Variants in PDZD2 observed in about 807,000 individuals in gnomAD.
The protein encoded by PDZD2 is PDZ domain-containing protein 2.
Under a neutral mutation model 220.7 loss-of-function variants are expected in PDZD2, and 90 were observed. The ratio of observed to expected loss-of-function variants is 0.41; its 90% CI spans 0.34 to 0.49. The LOEUF (loss-of-function observed/expected upper bound fraction) is 0.49. Ranked by LOEUF, PDZD2 falls within the 20% of genes least tolerant of loss-of-function variation. The pLI, the probability that PDZD2 is intolerant of heterozygous loss-of-function variation, is 0.28. For synonymous variants in PDZD2, 1,375 were observed against 1,450.5 expected (o/e 0.95, Z 1.18); for missense variants, 3,174 against 3,608.5 (o/e 0.88, Z 3.08).
rs893200483 is a variant in PDZD2, at chr5:32,097,503, C to T, written c.7947+123C>T. 4.3e-6 allele frequency: 3 copies of T among 693,946 alleles called. No individual in the cohort carries two copies. In the African/African-American group the frequency reaches 5.4e-5, roughly 13 times the overall value. The allele number at this position is 693,946 out of a possible 1,614,324, so 43.0% of individuals were successfully genotyped here. ...GCTGGATTTCATTCCCAGCTACCAA[C>T]ATAAAAAGGGAGAAGTGGGAGAAGT... is the stretch of plus-strand genomic sequence containing the variant. On this transcript the variant is annotated intron_variant, in intron 22 of 24. Transcript: ENST00000438447.
At chr5:31,848,102 G>A in intron 2 of PDZD2, 1 of 320,258 alleles carries the variant, frequency 3.1e-6, no homozygotes, top group Non-Finnish European at 6.0e-6. Context: ...AGATCAGGTA[G>A]CTCAAAAGTA....
At chr5:31,806,409 C>T (rs1754715435) in intron 2 of PDZD2, among the ~76,000 whole-genome samples, 1 of 152,224 alleles carries the variant, frequency 6.6e-6, no homozygotes, top group Admixed American at 6.5e-5. Context: ...CTCCAAATTA[C>T]AGACCCCGTT....
intron 10 of PDZD2, among the ~76,000 whole-genome samples, chr5:32,056,110 C>T (rs1286083974): frequency 4.6e-5 from 7 of 152,126 alleles, no homozygotes; most frequent in Admixed American, 2.6e-4. Context: ...TTTAAGAGTG[C>T]GAGTAATCAT....
At chr5:31,976,844 A>G (rs1749827797) in intron 2 of PDZD2, among the ~76,000 whole-genome samples, 1 of 147,802 alleles carries the variant, frequency 6.8e-6, no homozygotes, top group South Asian at 2.1e-4. Context: ...CAGCCTCCTG[A>G]GCAGCTGGGA....
chr5:31,791,590 C>CA (rs1157216997), intron 1 of PDZD2, among the ~76,000 whole-genome samples: 10,161 of 46,654 alleles, frequency 0.22, 748 homozygotes, highest in Middle Eastern at 0.27. Context: ...AACTCCGTCT[C>CA]AAAAAAAAAA....
At chr5:31,756,568 G>T (rs1459723421) in intron 1 of PDZD2, among the ~76,000 whole-genome samples, 1 of 152,204 alleles carries the variant, frequency 6.6e-6, no homozygotes, top group African/African-American at 2.4e-5. Context: ...GTGGATACCA[G>T]ACCTCCTCTG....
chr5:31,827,556 G>T (rs1250728507), intron 2 of PDZD2, among the ~76,000 whole-genome samples: 1 of 152,006 alleles, frequency 6.6e-6, no homozygotes, highest in African/African-American at 2.4e-5. Context: ...AGCTGGGTAT[G>T]GTGGCATGCG....
At chr5:32,005,444 T>C (rs1752719143) in intron 5 of PDZD2, among the ~76,000 whole-genome samples, 1 of 141,796 alleles carries the variant, frequency 7.1e-6, no homozygotes, top group African/African-American at 2.6e-5. Context: ...AGTACAGATC[T>C]CTTGCTCGCT....
intron 1 of PDZD2, among the ~76,000 whole-genome samples, chr5:31,785,944 T>C (rs2150214484): frequency 6.6e-6 from 1 of 152,250 alleles, no homozygotes; most frequent in African/African-American, 2.4e-5. Context: ...TGATGGCACA[T>C]GAGTAGCAAA....
At chr5:31,757,643 T>G (rs539287744) in intron 1 of PDZD2, among the ~76,000 whole-genome samples, 2 of 151,830 alleles carry the variant, frequency 1.3e-5, no homozygotes. Flanking sequence ...CTAGTGTGGC[T>G]AATTGGCTGA....
At chr5:31,679,579 C>T (rs890343512) in intron 1 of PDZD2, among the ~76,000 whole-genome samples, 3 of 152,222 alleles carry the variant, frequency 2.0e-5, no homozygotes, top group Non-Finnish European at 2.9e-5. Flanking sequence ...GCCATCTTGG[C>T]TTACTGCAAC....
intron 2 of PDZD2, among the ~76,000 whole-genome samples, chr5:31,800,774 A>G (rs1364740454): frequency 6.6e-6 from 1 of 152,190 alleles, no homozygotes; most frequent in African/African-American, 2.4e-5. Context: ...ATTCTGAGTG[A>G]GATCCATGAA....
chr5:31,883,954 T>TA (rs1191519104), intron 2 of PDZD2, among the ~76,000 whole-genome samples: 1 of 152,154 alleles, frequency 6.6e-6, no homozygotes, highest in Non-Finnish European at 1.5e-5. Context: ...GGCTCCCGCA[T>TA]GTTATCCCAG....
chr5:31,906,851 G>GA (rs1173178194), intron 2 of PDZD2, among the ~76,000 whole-genome samples: 3 of 151,440 alleles, frequency 2.0e-5, no homozygotes. Flanking sequence ...TCAAAAAAAA[G>GA]AAAAAACAAA....
chr5:32,008,496 G>A lies in PDZD2; in HGVS notation c.1255-1834G>A, dbSNP rs566434170. Among the ~76,000 whole-genome samples the A allele has an allele frequency of 4.7e-4, 72 of 152,148 alleles. 1 individual carries two copies. Among genetic ancestry groups the A allele is most frequent in the African/African-American group, 1.7e-3 (70 of 41,498 alleles). ...GGATGGGGTTTCACCATGTTGGCCA[G>A]GCTGGTCTTGAACTCCTGACCTCAG... On this transcript the variant is annotated intron_variant, in intron 5 of 24. Coordinates refer to ENST00000438447, the MANE Select transcript of PDZD2 (RefSeq NM_178140.4).
intron 2 of PDZD2, among the ~76,000 whole-genome samples, chr5:31,810,076 T>C (rs77391561): frequency 0.021 from 3,138 of 152,320 alleles, 97 homozygotes; most frequent in African/African-American, 0.071. Flanking sequence ...AGCATCTTAG[T>C]GTGGTTATAG....
chr5:31,799,904 G>C (rs749956430), intron 2 of PDZD2, among the ~76,000 whole-genome samples, 180 bp downstream of exon 2: 3 of 152,156 alleles, frequency 2.0e-5, no homozygotes, highest in Non-Finnish European at 4.4e-5. Flanking sequence ...GAGCACCAAA[G>C]GTTGGGTCTT....
chr5:31,854,916 G>GA (rs1554083562), intron 2 of PDZD2: 5 of 807,830 alleles, frequency 6.2e-6, no homozygotes, highest in Non-Finnish European at 7.3e-6. Context: ...GGAGGGAGGA[G>GA]GGGGGGGTCC....
At chr5:32,065,226 G>A (rs1561488328) in intron 14 of PDZD2, among the ~76,000 whole-genome samples, 2 of 152,090 alleles carry the variant, frequency 1.3e-5, no homozygotes, top group Admixed American at 6.5e-5. Context: ...TTGTACCTGC[G>A]AGGTGGAGGT....
Sources: gnomAD v4.1 joint callset for allele counts (sites outside exome capture counted in the v4.1 genomes callset) on GRCh38, gnomAD v4.1.1 for gene constraint, MANE v1.5 for transcripts, NCBI Gene and HGNC (gene_info 2026-07-23, HGNC 2026-07-21) for gene names.